The following CNTNAP2 variants were observed in gnomAD, a reference collection of about 807,000 sequenced individuals.
CNTNAP2 encodes contactin-associated protein-like 2.
Under a neutral mutation model 155.2 loss-of-function variants are expected in CNTNAP2, and 98 were observed. The observed-to-expected ratio is 0.63, with a 90% CI of 0.54 to 0.75. The LOEUF (loss-of-function observed/expected upper bound fraction) is 0.75, where lower values mean the gene tolerates loss of function less well. Among genes scored for constraint, CNTNAP2 ranks in the 30% least tolerant of loss-of-function variants. CNTNAP2 has a pLI of 0.00. For missense variants in CNTNAP2, 1,727 were observed against 1,688.1 expected (o/e 1.02, Z -0.40); for synonymous variants, 651 against 631.2 (o/e 1.03, Z -0.47).
chr7:147,926,494 A>G (rs1800401540), intron 14 of CNTNAP2, among the ~76,000 whole-genome samples: 1 of 152,228 alleles, frequency 6.6e-6, no homozygotes, highest in Non-Finnish European at 1.5e-5. Flanking sequence ...TTTGTTCAAT[A>G]CTAATAGTCA....
chr7:147,568,330 C>T (rs1800216878), intron 12 of CNTNAP2, among the ~76,000 whole-genome samples: 1 of 152,162 alleles, frequency 6.6e-6, no homozygotes, highest in Admixed American at 6.5e-5. Flanking sequence ...TAAATTGACT[C>T]TTCATTTTTT....
At chr7:146,608,635 A>G (rs138035861) in intron 1 of CNTNAP2, among the ~76,000 whole-genome samples, 135 of 152,280 alleles carry the variant, frequency 8.9e-4, no homozygotes, top group Non-Finnish European at 1.8e-3. Context: ...TGTAAGTATA[A>G]AGAATTGTCT....
chr7:146,539,629 C>A (rs950533970), intron 1 of CNTNAP2, among the ~76,000 whole-genome samples: 4 of 151,814 alleles, frequency 2.6e-5, no homozygotes, highest in African/African-American at 9.7e-5. Context: ...TTTCTTTTAA[C>A]CTGATTTCTA....
At chr7:146,799,759 T>G (rs1279934270) in intron 2 of CNTNAP2, among the ~76,000 whole-genome samples, 1 of 152,210 alleles carries the variant, frequency 6.6e-6, no homozygotes, top group African/African-American at 2.4e-5. Flanking sequence ...TGCTAACTCA[T>G]TGTGTGATTT....
chr7:146,972,679 A>C (rs1797827425), intron 3 of CNTNAP2, among the ~76,000 whole-genome samples: 1 of 152,196 alleles, frequency 6.6e-6, no homozygotes, highest in African/African-American at 2.4e-5. Context: ...GCTGCCTTGA[A>C]TCTTGTAGCT....
At chr7:147,083,615 TA>T (rs1333318555) in intron 4 of CNTNAP2, among the ~76,000 whole-genome samples, 4 of 144,902 alleles carry the variant, frequency 2.8e-5, no homozygotes, top group African/African-American at 1.0e-4. Context: ...ATGCTATATA[TA>T]AAAAATATAT....
intron 3 of CNTNAP2, among the ~76,000 whole-genome samples, chr7:147,042,202 A>G (rs1799273023): frequency 6.6e-6 from 1 of 152,220 alleles, no homozygotes; most frequent in Non-Finnish European, 1.5e-5. Flanking sequence ...AGGCAGTGGT[A>G]GTACGCAGCT....
At chr7:147,091,109 T>C (rs190408557) in intron 4 of CNTNAP2, among the ~76,000 whole-genome samples, 1 of 152,042 alleles carries the variant, frequency 6.6e-6, no homozygotes, top group Non-Finnish European at 1.5e-5. Flanking sequence ...ATCAATAGCA[T>C]CATGAACGCC....
At chr7:147,782,988 G>T (rs1797680925) in intron 13 of CNTNAP2, among the ~76,000 whole-genome samples, 1 of 152,182 alleles carries the variant, frequency 6.6e-6, no homozygotes, top group South Asian at 2.1e-4. Flanking sequence ...GTAATTAGAA[G>T]CAGTATCTTC....
intron 15 of CNTNAP2, among the ~76,000 whole-genome samples, chr7:148,051,905 C>T (rs907410922): frequency 1.3e-5 from 2 of 151,976 alleles, no homozygotes; most frequent in African/African-American, 4.8e-5. Context: ...TTTGGGAGGC[C>T]GAGGCGGGTG....
chr7:146,157,419 C>G lies in CNTNAP2; in HGVS notation c.97+40446C>G, dbSNP rs192926588. Among the ~76,000 whole-genome samples the G allele has an allele frequency of 2.4e-4, 37 of 152,020 alleles. 1 individual carries two copies. The highest frequency in any genetic ancestry group is 8.2e-4 in the African/African-American group (34 of 41,528). ...GGCTTGTCAGACGGTAGGTGCAGCC[C>G]ACAGAGCAGGGTGGGACATTGCCTC... On this transcript the variant is annotated intron_variant, in intron 1 of 23. Transcript: ENST00000361727.
intron 3 of CNTNAP2, among the ~76,000 whole-genome samples, chr7:146,980,073 G>A (rs1225374882): frequency 3.9e-5 from 6 of 152,074 alleles, no homozygotes; most frequent in Non-Finnish European, 7.3e-5. Flanking sequence ...TGAAGTCATT[G>A]ACGTTGTCCA....
chr7:146,844,212 G>A (rs1803799700), intron 3 of CNTNAP2, among the ~76,000 whole-genome samples: 1 of 152,076 alleles, frequency 6.6e-6, no homozygotes, highest in Non-Finnish European at 1.5e-5. Context: ...TTGCATTAGG[G>A]AGTGAGAATG....
At chr7:147,061,868 C>G (rs1301245741) in intron 4 of CNTNAP2, among the ~76,000 whole-genome samples, 1 of 152,104 alleles carries the variant, frequency 6.6e-6, no homozygotes, top group Non-Finnish European at 1.5e-5. Context: ...GGCACGGTGG[C>G]TCACGCCTGT....
chr7:148,074,091 G>T (rs4726920), intron 15 of CNTNAP2, among the ~76,000 whole-genome samples: 6 of 151,912 alleles, frequency 3.9e-5, no homozygotes, highest in African/African-American at 1.5e-4. Flanking sequence ...GAGAATTTCC[G>T]TACTACCTCC....
chr7:147,297,157 C>T (rs1296977674), intron 8 of CNTNAP2, among the ~76,000 whole-genome samples: 1 of 152,092 alleles, frequency 6.6e-6, no homozygotes, highest in Non-Finnish European at 1.5e-5. Context: ...GCTGAGAAGC[C>T]ATAGTCAGCA....
chr7:148,158,299 T>G (rs1211000370), intron 17 of CNTNAP2, among the ~76,000 whole-genome samples: 2 of 141,112 alleles, frequency 1.4e-5, no homozygotes. Flanking sequence ...CTCGGCTCAC[T>G]GCAACCTCCG....
intron 1 of CNTNAP2, among the ~76,000 whole-genome samples, chr7:146,758,468 C>A (rs1802030085): frequency 6.6e-6 from 1 of 152,060 alleles, no homozygotes; most frequent in Admixed American, 6.6e-5. Flanking sequence ...GATTTTCATG[C>A]TGCTGATAAA....
chr7:148,072,634 A>G (rs754583819), intron 15 of CNTNAP2, among the ~76,000 whole-genome samples: 4 of 152,230 alleles, frequency 2.6e-5, no homozygotes, highest in African/African-American at 7.2e-5. Flanking sequence ...AACGGTTAAC[A>G]GAATGCTTAC....
Sources: gnomAD v4.1 joint callset for allele counts (sites outside exome capture counted in the v4.1 genomes callset) on GRCh38, gnomAD v4.1.1 for gene constraint, MANE v1.5 for transcripts, NCBI Gene and HGNC (gene_info 2026-07-23, HGNC 2026-07-21) for gene names.